STRN: variants seen among roughly 807,000 people sequenced by gnomAD.
STRN encodes protein phosphatase 2 regulatory subunit B'''alpha.
In STRN, 53 loss-of-function variants were observed where a neutral mutation model predicts 96.3. The ratio of observed to expected loss-of-function variants is 0.55; its 90% CI spans 0.44 to 0.69. The LOEUF is 0.69. Ranked by LOEUF, STRN falls within the 30% of genes least tolerant of loss-of-function variation. The pLI is 0.00. For synonymous variants in STRN, 428 were observed against 355.9 expected (o/e 1.20, Z -2.28); for missense variants, 987 against 963.9 (o/e 1.02, Z -0.32).
In STRN at chr2:36,862,829, G is replaced by T. The variant is rs376522626; in HGVS notation, c.1548-1576C>A. Among the ~76,000 whole-genome samples the T allele has an allele frequency of 6.5e-4, 98 of 151,868 alleles. 1 individual carries two copies. The highest frequency in any genetic ancestry group is 2.2e-3 in the African/African-American group (91 of 41,406). On this transcript the variant is annotated intron_variant, in intron 12 of 17. Transcript: ENST00000263918. ...GGCTCACTGCAAGCTCTGCCTCCCGGGTTCACGCCGTTCTCCTGCCTCAGC... is the reference window on the plus strand; with the variant it reads ...GGCTCACTGCAAGCTCTGCCTCCCGTGTTCACGCCGTTCTCCTGCCTCAGC...
At chr2:36,852,729 A>G (rs1668250776) in intron 15 of STRN, among the ~76,000 whole-genome samples, 1 of 152,238 alleles carries the variant, frequency 6.6e-6, no homozygotes, top group African/African-American at 2.4e-5. Flanking sequence ...TTATATTCAC[A>G]TAATAGAAAA....
rs760404410 is a variant in STRN at position 36,899,512 on chromosome 2, A to G, written c.795+11T>C. The stretch of plus-strand genomic sequence containing the variant: ...TAAAAATATTTATATTGTATGAGTT[A>G]TCTAACTCACTGTTGAAGTATCAAT... On this transcript the variant is annotated intron_variant, in intron 6 of 17. Coordinates refer to ENST00000263918, the MANE Select transcript of STRN (RefSeq NM_003162.4). 1.2e-6 allele frequency: 2 copies of G among 1,608,580 alleles called. No homozygotes were observed. The highest frequency in any genetic ancestry group is 1.1e-5 in the South Asian group (1 of 90,270).
intron 1 of STRN, among the ~76,000 whole-genome samples, chr2:36,930,901 T>C (rs1295625207): frequency 6.6e-6 from 1 of 151,878 alleles, no homozygotes; most frequent in East Asian, 1.9e-4. Flanking sequence ...CCAGGTGTGG[T>C]GGCAAGCGCC....
intron 6 of STRN, among the ~76,000 whole-genome samples, chr2:36,896,446 G>A (rs183656887): frequency 1.3e-5 from 2 of 152,268 alleles, no homozygotes; most frequent in East Asian, 3.9e-4. Flanking sequence ...GATCAGAATC[G>A]GAAGAGGTAG....
At chr2:36,950,065 G>C (rs912518818) in intron 1 of STRN, among the ~76,000 whole-genome samples, 1 of 151,928 alleles carries the variant, frequency 6.6e-6, no homozygotes, top group Non-Finnish European at 1.5e-5. Flanking sequence ...GATGAGACTA[G>C]TAAAAAAAAC....
intron 3 of STRN, among the ~76,000 whole-genome samples, chr2:36,910,237 T>G (rs573427700): frequency 6.6e-6 from 1 of 151,452 alleles, no homozygotes; most frequent in East Asian, 1.9e-4. Context: ...ATTACTTGCA[T>G]TCCATATTAC....
chr2:36,953,360 T>G (rs1258104864), intron 1 of STRN, among the ~76,000 whole-genome samples: 1 of 152,124 alleles, frequency 6.6e-6, no homozygotes, highest in Non-Finnish European at 1.5e-5. Context: ...TATCAATGTT[T>G]TCTAATATTC....
At chr2:36,954,523 A>AGG (rs1664835736) in intron 1 of STRN, among the ~76,000 whole-genome samples, 3 of 150,956 alleles carry the variant, frequency 2.0e-5, no homozygotes, top group Admixed American at 6.6e-5. Context: ...AACAGGGGAA[A>AGG]AAAAAAAAAA....
intron 3 of STRN, 29 bp downstream of exon 3, chr2:36,916,049 C>A: frequency 6.3e-7 from 1 of 1,576,534 alleles, no homozygotes; most frequent in East Asian, 2.2e-5. Context: ...TTCTTTTTAA[C>A]ACTTAAACTT....
At chr2:36,861,360 C>A in intron 12 of STRN, 107 bp from the exon 13 acceptor site, 1 of 1,407,292 alleles carries the variant, frequency 7.1e-7, no homozygotes, top group Non-Finnish European at 9.6e-7. Context: ...TATTTTTCTG[C>A]TTTTTATAAA....
chr2:36,954,399 C>A (rs1055861635), intron 1 of STRN, among the ~76,000 whole-genome samples: 1 of 151,454 alleles, frequency 6.6e-6, no homozygotes, highest in Non-Finnish European at 1.5e-5. Flanking sequence ...GTAATCCCAA[C>A]TACTTGGGAG....
At chr2:36,900,460 A>G (rs958453026) in intron 5 of STRN, among the ~76,000 whole-genome samples, 7 of 152,204 alleles carry the variant, frequency 4.6e-5, no homozygotes, top group Admixed American at 1.3e-4. Flanking sequence ...ATGTGTACAT[A>G]AAGTTACTAA....
chr2:36,908,643 T>G (rs1255221805), intron 3 of STRN, among the ~76,000 whole-genome samples: 1 of 152,124 alleles, frequency 6.6e-6, no homozygotes, highest in East Asian at 1.9e-4. Flanking sequence ...AAAAGTGTAT[T>G]CTTACACTGA....
In STRN at chr2:36,922,576, A is replaced by T. The variant is rs564821379; in HGVS notation, c.338+2529T>A. ...CCACATTCCCTGTTACATGTAAGAT[A>T]AAAGTTTGAACTCCTTGGTTAGGCT... On this transcript the variant is annotated intron_variant, in intron 2 of 17. Coordinates refer to ENST00000263918, the MANE Select transcript of STRN (RefSeq NM_003162.4). Among the ~76,000 whole-genome samples the T allele has an allele frequency of 2.6e-5, 4 of 152,148 alleles. No individual in the cohort carries two copies. The South Asian group carries it at 8.3e-4, about 32-fold the overall frequency.
chr2:36,950,240 G>C (rs1481220124), intron 1 of STRN, among the ~76,000 whole-genome samples: 1 of 112,240 alleles, frequency 8.9e-6, no homozygotes, highest in African/African-American at 3.4e-5. Flanking sequence ...TTTTGAGACT[G>C]AGTCTCACTC....
chr2:36,860,101 T>C (rs960791960), intron 13 of STRN, among the ~76,000 whole-genome samples: 20 of 152,146 alleles, frequency 1.3e-4, no homozygotes, highest in African/African-American at 4.6e-4. Context: ...CGAATTTACT[T>C]ATTTGCTGAG....
intron 1 of STRN, among the ~76,000 whole-genome samples, chr2:36,962,355 C>T (rs2148283072): frequency 6.6e-6 from 1 of 152,250 alleles, no homozygotes; most frequent in South Asian, 2.1e-4. Context: ...TCCTACACCA[C>T]ACACCACACA....
intron 10 of STRN, among the ~76,000 whole-genome samples, chr2:36,874,633 C>T (rs1471078356): frequency 6.7e-6 from 1 of 150,104 alleles, no homozygotes; most frequent in East Asian, 2.0e-4. Flanking sequence ...AATCAGACTA[C>T]CATTAAATGA....
chr2:36,867,908 G>A lies in STRN; in HGVS notation c.1500-47C>T, dbSNP rs377091282. 9 of 1,421,420 alleles carry A rather than the reference G, an allele frequency of 6.3e-6. No individual in the cohort carries two copies. The Middle Eastern group carries it at 5.4e-4, about 85-fold the overall frequency. 88.1% of individuals were successfully genotyped at this position (1,421,420 alleles called of 1,614,324 possible). On this transcript the variant is annotated intron_variant, in intron 11 of 17. Coordinates refer to ENST00000263918, the MANE Select transcript of STRN (RefSeq NM_003162.4). The stretch of plus-strand genomic sequence containing the variant: ...TTACCATTCTAAGTGTCAGTAAACA[G>A]TATAATTAAACATATGTCATAAAAT...
Sources: allele counts gnomAD v4.1 joint callset (sites outside exome capture counted in the v4.1 genomes callset), GRCh38; gene constraint gnomAD v4.1.1; transcripts MANE v1.5; gene names NCBI Gene and HGNC (gene_info 2026-07-23, HGNC 2026-07-21).